KDM4C: variants seen among roughly 807,000 people sequenced by gnomAD.
KDM4C encodes lysine demethylase 4C.
KDM4C carries 81 observed loss-of-function variants against 129.3 expected under a neutral mutation model. That is an observed-to-expected ratio of 0.63 (90% confidence interval 0.52 to 0.75). The LOEUF is 0.75. KDM4C is among the 30% of genes least tolerant of loss of function. The probability of loss-of-function intolerance (pLI) is 0.00; values close to 1 mark genes in which losing one functional copy is unlikely to be tolerated. For missense variants in KDM4C, 1,457 were observed against 1,304.0 expected, an observed-to-expected ratio of 1.12 and a Z score of -1.81; for synonymous variants, 573 against 456.1, an observed-to-expected ratio of 1.26 and a Z score of -3.26.
chr9:7,048,284 C>T (rs529327354), intron 16 of KDM4C, among the ~76,000 whole-genome samples: 10 of 152,082 alleles, frequency 6.6e-5, no homozygotes, highest in Middle Eastern at 3.4e-3. Context: ...CTGGTGGGAT[C>T]GATACTTGTT....
At chr9:6,809,871 C>T (rs923659428) in intron 3 of KDM4C, among the ~76,000 whole-genome samples, 13 of 152,052 alleles carry the variant, frequency 8.5e-5, no homozygotes, top group African/African-American at 2.9e-4. Context: ...GTGGTATGTG[C>T]CTGTAGTCTC....
intron 15 of KDM4C, among the ~76,000 whole-genome samples, chr9:7,029,511 A>G (rs1826371364): frequency 6.6e-6 from 1 of 151,988 alleles, no homozygotes; most frequent in African/African-American, 2.4e-5. Context: ...ATTGCTAATA[A>G]GTAATAGGAG....
At chr9:6,973,443 A>G (rs541281602) in intron 8 of KDM4C, among the ~76,000 whole-genome samples, 47 of 152,216 alleles carry the variant, frequency 3.1e-4, no homozygotes, top group Non-Finnish European at 2.9e-4. Flanking sequence ...TTTAGAAACA[A>G]TGTCAAAGAG....
chr9:7,021,848 G>A (rs1322640856), intron 15 of KDM4C, among the ~76,000 whole-genome samples: 1 of 152,030 alleles, frequency 6.6e-6, no homozygotes, highest in Non-Finnish European at 1.5e-5. Context: ...AAGAGATAGG[G>A]GTCAAGTTTC....
chr9:6,722,860 G>A (rs575203579), intron 1 of KDM4C, among the ~76,000 whole-genome samples: 11 of 152,192 alleles, frequency 7.2e-5, no homozygotes, highest in Admixed American at 2.6e-4. Flanking sequence ...GCACACATCT[G>A]TGGTCTCAGC....
intron 8 of KDM4C, among the ~76,000 whole-genome samples, chr9:6,939,374 A>G (rs1825426654): frequency 1.3e-5 from 2 of 152,088 alleles, no homozygotes; most frequent in Non-Finnish European, 2.9e-5. Flanking sequence ...GTTGCAGGAA[A>G]ACAAGCTCAG....
At chr9:6,992,856 T>C (rs1819003020) in intron 12 of KDM4C, among the ~76,000 whole-genome samples, 1 of 152,170 alleles carries the variant, frequency 6.6e-6, no homozygotes, top group Non-Finnish European at 1.5e-5. Context: ...TGTCTTCTGT[T>C]GGTGAACGAG....
intron 1 of KDM4C, among the ~76,000 whole-genome samples, chr9:6,760,613 C>T (rs566917608): frequency 6.6e-6 from 1 of 151,648 alleles, no homozygotes; most frequent in East Asian, 1.9e-4. Flanking sequence ...CTCTGTTGCC[C>T]AGGCTGGAGT....
intron 1 of KDM4C, among the ~76,000 whole-genome samples, chr9:6,775,563 C>T (rs1053002889): frequency 3.3e-5 from 5 of 151,464 alleles, no homozygotes; most frequent in African/African-American, 7.3e-5. Flanking sequence ...GTTCTTATTG[C>T]CCAGGCTGGA....
chr9:6,722,198 C>T (rs947862318), intron 1 of KDM4C, among the ~76,000 whole-genome samples: 1 of 152,078 alleles, frequency 6.6e-6, no homozygotes, highest in African/African-American at 2.4e-5. Context: ...GGGATGTGGG[C>T]CAGGTTAAGG....
At chr9:6,925,712 T>C in intron 8 of KDM4C, 10 of 824,714 alleles carry the variant, frequency 1.2e-5, no homozygotes, top group Non-Finnish European at 1.5e-5. Flanking sequence ...TCTTTCTTTT[T>C]TTCATTAGCC....
chr9:6,721,059 T>A lies in KDM4C; in HGVS notation c.49+62T>A, dbSNP rs1009574763. ...TACATAGTTGGTGGTTCTGTCACAC[T>A]TAAAGCAATGTTAATTTCTTTATTT... On this transcript the variant is annotated intron_variant, in intron 1 of 17. Coordinates refer to the KDM4C transcript ENST00000536108. 13 of 1,386,510 alleles carry A rather than the reference T, an allele frequency of 9.4e-6. No individual in the cohort carries two copies. The Admixed American group carries it at 2.6e-4, about 28-fold the overall frequency. The allele number at this position is 1,386,510 out of a possible 1,614,324, so 85.9% of individuals were successfully genotyped here. A position where few individuals can be genotyped will look rare whatever the true frequency, so the allele number is the denominator to read the frequency against.
chr9:6,847,359 C>T (rs946113843), intron 4 of KDM4C, among the ~76,000 whole-genome samples: 1 of 151,828 alleles, frequency 6.6e-6, no homozygotes, highest in Non-Finnish European at 1.5e-5. Context: ...TGTGATTGAA[C>T]TTCTATGAGG....
Position 6,758,230 on chromosome 9 carries a change from C to A in KDM4C, c.-18+27C>A. ...TAACCGCTTTTCCGGAGTCTGGGGGCCAGGGCGGGGGGAGGGTCCGGAGAG... is the reference window on the plus strand; with the variant it reads ...TAACCGCTTTTCCGGAGTCTGGGGGACAGGGCGGGGGGAGGGTCCGGAGAG... On this transcript the variant is annotated intron_variant, in intron 1 of 21. Transcript: ENST00000381309. The surrounding 1 kb of genome is among the most constrained non-coding windows in gnomAD (Gnocchi z 4.6). 1.0e-6 allele frequency: 1 copy of A among 983,428 alleles called. No individual in the cohort carries two copies. Among genetic ancestry groups the A allele is most frequent in the Non-Finnish European group, 1.2e-6 (1 of 828,086 alleles). The allele number at this position is 983,428 out of a possible 1,614,324, so 60.9% of individuals were successfully genotyped here.
At chr9:7,152,328 A>G (rs1482652509) in intron 19 of KDM4C, among the ~76,000 whole-genome samples, 1 of 152,266 alleles carries the variant, frequency 6.6e-6, no homozygotes, top group South Asian at 2.1e-4. Flanking sequence ...TGGTTCATCT[A>G]TACTGTTGCA....
intron 8 of KDM4C, chr9:6,925,367 C>A: frequency 1.0e-6 from 1 of 985,246 alleles, no homozygotes; most frequent in Non-Finnish European, 1.2e-6. Flanking sequence ...AAGAGAAGCT[C>A]AGTTCTCTTT....
At chr9:6,724,751 G>A (rs1330863356) in intron 1 of KDM4C, among the ~76,000 whole-genome samples, 1 of 152,082 alleles carries the variant, frequency 6.6e-6, no homozygotes, top group Non-Finnish European at 1.5e-5. Flanking sequence ...GGATGATCTC[G>A]ATCTCTTGAC....
chr9:6,976,980 G>T (rs1411319939), intron 8 of KDM4C, among the ~76,000 whole-genome samples: 1 of 151,892 alleles, frequency 6.6e-6, no homozygotes, highest in African/African-American at 2.4e-5. Flanking sequence ...GTTTCATTTG[G>T]GCTTATTTGT....
chr9:7,017,020 C>T (rs935750805), intron 15 of KDM4C, among the ~76,000 whole-genome samples: 2 of 151,982 alleles, frequency 1.3e-5, no homozygotes, highest in African/African-American at 4.8e-5. Flanking sequence ...ACCACAGTCT[C>T]GAACTCCTGG....
Sources: gnomAD v4.1 joint callset for allele counts (sites outside exome capture counted in the v4.1 genomes callset) on GRCh38, gnomAD v4.1.1 for gene constraint, Gnocchi (gnomAD v3.1) non-coding constraint, MANE v1.5 for transcripts, NCBI Gene and HGNC (gene_info 2026-07-23, HGNC 2026-07-21) for gene names.